MEGF10: variants seen among roughly 807,000 people sequenced by gnomAD.
The protein encoded by MEGF10 is multiple EGF like domains 10, also known as multiple epidermal growth factor-like domains protein 10.
MEGF10 carries 86 observed loss-of-function variants against 147.5 expected under a neutral mutation model. The ratio of observed to expected loss-of-function variants is 0.58; its 90% confidence interval spans 0.49 to 0.70. The LOEUF is 0.70. MEGF10 is among the 30% of genes least tolerant of loss of function. The pLI, the probability that MEGF10 is intolerant of heterozygous loss-of-function variation, is 0.00. For synonymous variants in MEGF10, 478 were observed against 525.5 expected (o/e 0.91, Z 1.24); for missense variants, 1,329 against 1,487.3 (o/e 0.89, Z 1.75).
chr5:127,447,772 G>A, intron 21 of MEGF10, 88 bp downstream of exon 21: 1 of 1,508,618 alleles, frequency 6.6e-7, no homozygotes, highest in Non-Finnish European at 9.1e-7. Context: ...TTCACCAGAG[G>A]CTGTTCTAGG....
intron 1 of MEGF10, among the ~76,000 whole-genome samples, chr5:127,312,792 CA>C (rs1760349251): frequency 6.6e-6 from 1 of 152,110 alleles, no homozygotes; most frequent in South Asian, 2.1e-4. Flanking sequence ...CTCTTAGGTT[CA>C]ATTTTACTGC....
At chr5:127,243,127 GATA>G in the MEGF10 span, among the ~76,000 whole-genome samples, 1 of 152,162 alleles carries the variant, frequency 6.6e-6, no homozygotes, top group African/African-American at 2.4e-5. Flanking sequence ...CCTGCAGAGA[GATA>G]ATATTTTTGC....
the MEGF10 span, among the ~76,000 whole-genome samples, chr5:127,263,423 A>G: frequency 1.4e-3 from 213 of 152,238 alleles, no homozygotes; most frequent in Non-Finnish European, 2.3e-3. Flanking sequence ...TAATTTGGCA[A>G]TGGTTTTACA....
chr5:127,277,081 G>A, the MEGF10 span, among the ~76,000 whole-genome samples: 2 of 152,150 alleles, frequency 1.3e-5, no homozygotes, highest in African/African-American at 2.4e-5. Context: ...GGAGAGCAAA[G>A]TATCTGAAGT....
chr5:127,322,982 T>A (rs867056427), intron 1 of MEGF10, among the ~76,000 whole-genome samples: 2 of 152,094 alleles, frequency 1.3e-5, no homozygotes, highest in Non-Finnish European at 1.5e-5. Context: ...TATATATATA[T>A]ACATACGCAC....
chr5:127,314,370 G>A (rs1444442423), intron 1 of MEGF10, among the ~76,000 whole-genome samples: 2 of 152,152 alleles, frequency 1.3e-5, no homozygotes, highest in Non-Finnish European at 2.9e-5. Context: ...CAAAACCATG[G>A]GCTCTGCTTT....
the MEGF10 span, among the ~76,000 whole-genome samples, chr5:127,233,970 CCT>C: frequency 6.6e-6 from 1 of 152,124 alleles, no homozygotes; most frequent in Non-Finnish European, 1.5e-5. Flanking sequence ...TTCAAATAGG[CCT>C]TCTGCGTAGG....
intron 3 of MEGF10, among the ~76,000 whole-genome samples, chr5:127,339,451 C>T (rs974052450): frequency 3.3e-5 from 5 of 152,082 alleles, no homozygotes; most frequent in African/African-American, 7.2e-5. Flanking sequence ...TGCTGTTTAC[C>T]ATCATTTGTT....
At chr5:127,351,904 A>G (rs758584267) in intron 4 of MEGF10, among the ~76,000 whole-genome samples, 1 of 152,216 alleles carries the variant, frequency 6.6e-6, no homozygotes, top group Non-Finnish European at 1.5e-5. Flanking sequence ...ATTTCCATGT[A>G]CCATTATTGA....
chr5:127,313,195 G>T (rs893199677), intron 1 of MEGF10, among the ~76,000 whole-genome samples: 1 of 152,254 alleles, frequency 6.6e-6, no homozygotes, highest in Non-Finnish European at 1.5e-5. Flanking sequence ...TTTCTGACAC[G>T]GCTCTATGGG....
At chr5:127,336,490 A>T (rs1761475220) in intron 2 of MEGF10, among the ~76,000 whole-genome samples, 1 of 152,128 alleles carries the variant, frequency 6.6e-6, no homozygotes, top group South Asian at 2.1e-4. Flanking sequence ...TGACAAGAAG[A>T]GGAAATTTAT....
chr5:127,302,324 A>G (rs1255901802), intron 1 of MEGF10, among the ~76,000 whole-genome samples: 1 of 152,228 alleles, frequency 6.6e-6, no homozygotes, highest in Non-Finnish European at 1.5e-5. Flanking sequence ...ACATGCTACA[A>G]CATGGATGAA....
At chr5:127,274,058 C>CT in the MEGF10 span, among the ~76,000 whole-genome samples, 2 of 152,052 alleles carry the variant, frequency 1.3e-5, no homozygotes, top group East Asian at 3.8e-4. Context: ...TATCTCAATT[C>CT]TTTTTTCAGA....
At chr5:127,373,479 T>C (rs540721073) in intron 5 of MEGF10, among the ~76,000 whole-genome samples, 3 of 152,338 alleles carry the variant, frequency 2.0e-5, no homozygotes, top group Non-Finnish European at 2.9e-5. Flanking sequence ...ATGACTCATC[T>C]TTTTGATTTT....
intron 5 of MEGF10, 73 bp downstream of exon 5, chr5:127,370,075 T>C: frequency 7.1e-6 from 8 of 1,119,176 alleles, no homozygotes; most frequent in Non-Finnish European, 1.1e-5. Flanking sequence ...CAGATGACCC[T>C]GAGCCATGCT....
At chr5:127,290,327 C>T (rs1168445026), upstream of MEGF10, among the ~76,000 whole-genome samples, 1 of 152,270 alleles carries the variant, frequency 6.6e-6, no homozygotes, top group South Asian at 2.1e-4. Context: ...CTGGGTCCCA[C>T]CTTTGCGCTT....
At chr5:127,443,316 G>A (rs898281962) in intron 19 of MEGF10, among the ~76,000 whole-genome samples, 190 bp downstream of exon 19, 10 of 152,180 alleles carry the variant, frequency 6.6e-5, no homozygotes, top group African/African-American at 2.2e-4. Flanking sequence ...AGAAACAAAA[G>A]CTTAGAGAGG....
At chr5:127,372,837 G>A (rs1231630288) in intron 5 of MEGF10, among the ~76,000 whole-genome samples, 3 of 152,196 alleles carry the variant, frequency 2.0e-5, no homozygotes, top group African/African-American at 7.2e-5. Context: ...GGTTAAGGTA[G>A]TGTGCTAGGC....
intron 1 of MEGF10, among the ~76,000 whole-genome samples, chr5:127,301,615 G>C (rs1759776484): frequency 6.6e-6 from 1 of 152,176 alleles, no homozygotes; most frequent in Non-Finnish European, 1.5e-5. Context: ...TATGAGGTAT[G>C]ACAAACTGGG....
Sources: allele counts gnomAD v4.1 joint callset (sites outside exome capture counted in the v4.1 genomes callset), GRCh38; gene constraint gnomAD v4.1.1; transcripts MANE v1.5; gene names NCBI Gene and HGNC (gene_info 2026-07-23, HGNC 2026-07-21).